Variants in TCOF1 observed in about 807,000 individuals in gnomAD.
The protein encoded by TCOF1 is treacle ribosome biogenesis factor 1, also known as treacle protein.
Under a neutral mutation model 149.0 loss-of-function variants are expected in TCOF1, and 33 were observed. The observed-to-expected ratio is 0.22, with a 90% CI of 0.17 to 0.30. TCOF1 has a LOEUF of 0.30. Ranked by LOEUF, TCOF1 falls within the 10% of genes least tolerant of loss-of-function variation. The probability of loss-of-function intolerance (pLI) is 1.00; values close to 1 mark genes in which losing one functional copy is unlikely to be tolerated. For synonymous variants in TCOF1, 789 were observed against 738.8 expected (o/e 1.07, Z -1.10); for missense variants, 1,728 against 1,840.7 (o/e 0.94, Z 1.12).
At chr5:150,382,176 A>G (rs1765361243) in intron 17 of TCOF1, among the ~76,000 whole-genome samples, 1 of 151,398 alleles carries the variant, frequency 6.6e-6, no homozygotes, top group African/African-American at 2.4e-5. Flanking sequence ...AAAAAAAAAG[A>G]GATTAGGGGG....
rs1318497841 is a variant in TCOF1, at chr5:150,379,320, C to A, written c.2570C>A (p.Ala857Glu). ...TCTGTGGGGAAGGCCGTGGCTACAG[C>A]AGCTCAGGCCCAGACAGGGCCAGAG... ...VPSVGKAVAT[A>E]AQAQTGPEED... is the part of the protein sequence containing the mutation. The change falls in exon 16 of 27, where the codon GCA becomes GAA. Residue 857 changes from alanine to glutamate, a missense_variant. Ala to Glu is a moderately radical substitution (Grantham distance 107). This residue lies in a region of TCOF1 where 1,696 missense variants were observed against 1,765.4 expected (regional missense o/e 0.96). Coordinates refer to ENST00000643257, the MANE Select transcript of TCOF1 (RefSeq NM_001371623.1). 3.1e-6 allele frequency: 5 copies of A among 1,614,196 alleles called. No individual in the cohort carries two copies. The highest frequency in any genetic ancestry group is 4.2e-6 in the Non-Finnish European group (5 of 1,180,034).
intron 1 of TCOF1, among the ~76,000 whole-genome samples, 183 bp downstream of exon 1, chr5:150,358,037 C>T (rs922676142): frequency 1.3e-5 from 2 of 152,246 alleles, no homozygotes; most frequent in Non-Finnish European, 1.5e-5. Flanking sequence ...GACTTCAGTT[C>T]CCCTGGGCCT....
chr5:150,396,459 C>G lies in TCOF1; in HGVS notation c.3962C>G (p.Thr1321Ser). The G allele has an allele frequency of 6.2e-7, 1 of 1,614,032 alleles. No homozygotes were observed. Among genetic ancestry groups the G allele is most frequent in the Non-Finnish European group, 8.5e-7 (1 of 1,180,020 alleles). Residue 1321 changes from threonine to serine, a missense_variant, in exon 24 of 27, where the codon ACT becomes AGT. Transcript: ENST00000643257. ...QVQASVVKVL[T>S]ELLEQERKKV... is the part of the protein sequence containing the mutation. Reference sequence around the variant, plus strand: ...CAGGCCTCAGTGGTGAAGGTCCTGACTGAGCTGCTGGAACAGGAAAGAAAG... The same window carrying G: ...CAGGCCTCAGTGGTGAAGGTCCTGAGTGAGCTGCTGGAACAGGAAAGAAAG...
chr5:150,398,566 G>T lies in TCOF1; in HGVS notation c.4443+115G>T, dbSNP rs1365555131. The T allele has an allele frequency of 5.9e-6, 9 of 1,521,118 alleles. No individual in the cohort carries two copies. The South Asian group carries it at 9.3e-5, about 16-fold the overall frequency. The allele number at this position is 1,521,118 out of a possible 1,614,324, so 94.2% of individuals were successfully genotyped here. On this transcript the variant is annotated intron_variant, in intron 25 of 26. Transcript: ENST00000643257. ...CCATTTTCGGGGCCCAGTCGGGGGC[G>T]TCAGGGGTTGTGACACACCAGGGAA...
At chr5:150,375,949 G>A (rs2150729444) in intron 12 of TCOF1, 40 bp downstream of exon 12, 1 of 1,613,994 alleles carries the variant, frequency 6.2e-7, no homozygotes, top group Non-Finnish European at 8.5e-7. Flanking sequence ...GGCCTGATCT[G>A]CCACACCACA....
chr5:150,368,938 G>T lies in TCOF1; in HGVS notation c.565+36G>T, dbSNP rs762819222. ...CCCACCTCTAGGAACCTAGTCCCCA[G>T]AACTTGGGCTGGTGAGGCAGGCCTA... On this transcript the variant is annotated intron_variant, in intron 5 of 26. Transcript: ENST00000643257. 7 of 1,612,010 alleles carry T rather than the reference G, an allele frequency of 4.3e-6. No homozygotes were observed. In the African/African-American group the frequency reaches 9.3e-5, roughly 22 times the overall value.
intron 11 of TCOF1, 54 bp downstream of exon 11, chr5:150,375,608 C>G: frequency 1.2e-6 from 2 of 1,612,426 alleles, no homozygotes; most frequent in African/African-American, 1.3e-5. Context: ...CAGAGTGGAG[C>G]TGCCTGTGGC....
chr5:150,377,858 A>C (rs531492638), intron 14 of TCOF1, among the ~76,000 whole-genome samples: 1 of 152,308 alleles, frequency 6.6e-6, no homozygotes, highest in East Asian at 1.9e-4. Flanking sequence ...TTTTGAAGTA[A>C]GCCGTTTAAT....
At position 150,387,887 on chromosome 5, in the gene TCOF1, T is replaced by C; in HGVS notation, c.2860-15T>C. 6.2e-7 allele frequency: 1 copy of C among 1,613,566 alleles called. No homozygotes were observed. Among genetic ancestry groups the C allele is most frequent in the Non-Finnish European group, 8.5e-7 (1 of 1,179,976 alleles). On this transcript the variant is annotated splice_polypyrimidine_tract_variant and intron_variant, in intron 17 of 26. Transcript: ENST00000643257. ...CTTTAATCACTGGGGGGGTGTTTTGTTTTTGTTTTTCAAGGTGATTAAACC... is the reference window on the plus strand; with the variant it reads ...CTTTAATCACTGGGGGGGTGTTTTGCTTTTGTTTTTCAAGGTGATTAAACC...
At position 150,374,675 on chromosome 5, in the gene TCOF1, C is replaced by G. The variant is rs748059590; in HGVS notation, c.1142C>G (p.Ser381Cys). The G allele has an allele frequency of 1.2e-6, 2 of 1,613,910 alleles. No homozygotes were observed. The highest frequency in any genetic ancestry group is 1.7e-6 in the Non-Finnish European group (2 of 1,179,998). The change falls in exon 9 of 27, where the codon TCC (serine) becomes TGC (cysteine). Residue 381 changes from serine (S) to cysteine (C), a missense_variant. Around this residue, in one of 2 missense-constraint regions of TCOF1, gnomAD observed 1,696 missense variants for 1,765.4 expected, o/e 0.96. Transcript: ENST00000643257. ...GCTGCCTCAGCCCCTGCCAAGGAGT[C>G]CCCCAGGAAAGGAGCTGCCCCAGCG... ...VGAASAPAKE[S>C]PRKGAAPAPP...
Position 150,379,543 on chromosome 5 carries a change from A to C in TCOF1, c.2670A>C (p.Ser890=), listed in dbSNP as rs928909595. The C allele has an allele frequency of 1.9e-6, 3 of 1,614,084 alleles. No individual in the cohort carries two copies. The African/African-American group carries it at 4.0e-5, about 22-fold the overall frequency. The change falls in exon 17 of 27, where the codon TCA becomes TCC. Residue 890 remains serine (S), a synonymous_variant. Transcript: ENST00000643257. ...EAETLAQVKP[S]GKTHQIRAAL... is the part of the protein sequence containing the mutation. ...GTTTCTCCCTCCAGGTGAAGCCTTCAGGGAAGACCCACCAGATCAGAGCTG... is the reference window on the plus strand; with the variant it reads ...GTTTCTCCCTCCAGGTGAAGCCTTCCGGGAAGACCCACCAGATCAGAGCTG...
rs1769460015 is a variant in TCOF1 at position 150,400,057 on chromosome 5, ATG to A, written c.*272_*273del. ...CGCTTCATATAGATGTGTACAGTAT[ATG>A]TATTTTTTTAAGTGACCTCCTCTCC... On this transcript the variant is annotated 3_prime_UTR_variant, in exon 27 of 27. Coordinates refer to ENST00000643257, the MANE Select transcript of TCOF1 (RefSeq NM_001371623.1). 1 of 152,130 alleles carries A rather than the reference ATG, an allele frequency of 6.6e-6. No individual in the cohort carries two copies. The highest frequency in any genetic ancestry group is 1.5e-5 in the Non-Finnish European group (1 of 68,108). 9.4% of individuals were successfully genotyped at this position (152,130 alleles called of 1,614,324 possible). A position where few individuals can be genotyped will look rare whatever the true frequency, so the allele number is the denominator to read the frequency against.
chr5:150,395,051 A>C (rs1768176837), intron 23 of TCOF1: 1 of 152,446 alleles, frequency 6.6e-6, no homozygotes, highest in Admixed American at 6.5e-5. Context: ...CAGAGGATGG[A>C]ATTGGGCCTC....
chr5:150,384,462 C>A lies in TCOF1; in HGVS notation c.2860-3440C>A, dbSNP rs1351522422. ...TCACATTCTGACCCGTTGCCTGGTG[C>A]TGCCCCGACACTCTCCTCTCCTGGG... On this transcript the variant is annotated intron_variant, in intron 17 of 26. Coordinates refer to ENST00000643257, the MANE Select transcript of TCOF1 (RefSeq NM_001371623.1). 6 of 985,462 alleles carry A rather than the reference C, an allele frequency of 6.1e-6. No homozygotes were observed. In the East Asian group the frequency reaches 5.7e-4, roughly 93 times the overall value. The allele number at this position is 985,462 out of a possible 1,614,324, so 61.0% of individuals were successfully genotyped here.
intron 18 of TCOF1, 49 bp from the exon 19 acceptor site, chr5:150,389,838 G>A (rs539959856): frequency 5.0e-5 from 80 of 1,613,836 alleles, no homozygotes; most frequent in Non-Finnish European, 6.7e-5. Context: ...TGCTGAGGAG[G>A]CGATGGGGCT....
intron 2 of TCOF1, among the ~76,000 whole-genome samples, chr5:150,362,669 T>G (rs1280025397): frequency 1.3e-5 from 2 of 152,174 alleles, no homozygotes; most frequent in African/African-American, 4.8e-5. Context: ...GATTACAGCC[T>G]CTGGTGGAGA....
At chr5:150,368,023 C>G (rs1761729246) in intron 4 of TCOF1, 106 bp downstream of exon 4, 1 of 1,266,558 alleles carries the variant, frequency 7.9e-7, no homozygotes, top group African/African-American at 1.5e-5. Flanking sequence ...ATTGCCCCAC[C>G]TGGATTCAGA....
chr5:150,377,468 A>C (rs1214939548), intron 14 of TCOF1, among the ~76,000 whole-genome samples: 1 of 152,242 alleles, frequency 6.6e-6, no homozygotes, highest in Non-Finnish European at 1.5e-5. Flanking sequence ...AGCTGAGAGA[A>C]GATGGCTCAC....
chr5:150,359,160 G>A (rs1473111246), intron 1 of TCOF1, among the ~76,000 whole-genome samples: 2 of 152,004 alleles, frequency 1.3e-5, no homozygotes, highest in Admixed American at 6.5e-5. Context: ...CAGCCTGACC[G>A]ACATGGTGAA....
Sources: gnomAD v4.1 joint callset for allele counts (sites outside exome capture counted in the v4.1 genomes callset) on GRCh38, gnomAD v4.1.1 for gene constraint, gnomAD v4.1.1 regional missense constraint, MANE v1.5 for transcripts, NCBI Gene and HGNC (gene_info 2026-07-23, HGNC 2026-07-21) for gene names.